The following VPS13B variants were observed in gnomAD, a reference collection of about 807,000 sequenced individuals.
The protein encoded by VPS13B is vacuolar protein sorting 13 homolog B.
VPS13B carries 285 observed loss-of-function variants against 426.4 expected under a neutral mutation model. The ratio of observed to expected loss-of-function variants is 0.67; its 90% CI spans 0.61 to 0.74. The LOEUF (loss-of-function observed/expected upper bound fraction) is 0.74, where lower values mean the gene tolerates loss of function less well. Ranked by LOEUF, VPS13B falls within the 30% of genes least tolerant of loss-of-function variation. The pLI is 0.00. For synonymous variants in VPS13B, 1,676 were observed against 1,676.4 expected (o/e 1.00, Z 0.01); for missense variants, 4,537 against 4,782.6 (o/e 0.95, Z 1.51).
At chr8:99,477,245 G>A (rs574380379) in intron 24 of VPS13B, among the ~76,000 whole-genome samples, 16 of 152,146 alleles carry the variant, frequency 1.1e-4, no homozygotes, top group African/African-American at 3.4e-4. Context: ...TAAAATGCAC[G>A]CAGACATACA....
chr8:99,334,522 C>T (rs914526423), intron 19 of VPS13B, among the ~76,000 whole-genome samples: 22 of 151,990 alleles, frequency 1.4e-4, no homozygotes, highest in Admixed American at 5.2e-4. Context: ...TTTTGAGATA[C>T]GTCCCATCAA....
chr8:99,621,937 G>A (rs975321786), intron 33 of VPS13B, among the ~76,000 whole-genome samples: 2 of 148,258 alleles, frequency 1.3e-5, no homozygotes, highest in East Asian at 2.1e-4. Context: ...AGGTTCAAGC[G>A]ATTCTCCTGT....
chr8:99,762,991 A>C (rs1252892153), intron 39 of VPS13B, among the ~76,000 whole-genome samples: 3 of 151,736 alleles, frequency 2.0e-5, no homozygotes, highest in African/African-American at 4.8e-5. Flanking sequence ...TACAAAAATT[A>C]GTCAGGCATG....
chr8:99,445,281 T>A (rs916879721), intron 23 of VPS13B, among the ~76,000 whole-genome samples: 1 of 148,998 alleles, frequency 6.7e-6, no homozygotes, highest in Admixed American at 6.7e-5. Flanking sequence ...GTATAAACAT[T>A]TGGCAAGACT....
At chr8:99,524,092 A>G (rs1462985380) in intron 30 of VPS13B, among the ~76,000 whole-genome samples, 1 of 152,180 alleles carries the variant, frequency 6.6e-6, no homozygotes, top group African/African-American at 2.4e-5. Flanking sequence ...GAAAAATACA[A>G]TTAACATACT....
chr8:99,771,810 G>A (rs913637575), intron 40 of VPS13B, among the ~76,000 whole-genome samples: 2 of 152,112 alleles, frequency 1.3e-5, no homozygotes, highest in African/African-American at 2.4e-5. Context: ...AGTGTTATAA[G>A]CCATTTATAC....
chr8:99,589,939 AGAATTCGGCTGT>A (rs1351247010), intron 33 of VPS13B, among the ~76,000 whole-genome samples: 1 of 152,202 alleles, frequency 6.6e-6, no homozygotes, highest in Non-Finnish European at 1.5e-5. Context: ...TACCTCTGAT[AGAATTCGGCTGT>A]GAATCCGTCT....
At chr8:99,676,549 GTC>G (rs1036016438) in intron 35 of VPS13B, among the ~76,000 whole-genome samples, 24 of 151,604 alleles carry the variant, frequency 1.6e-4, no homozygotes, top group Admixed American at 5.3e-4. Context: ...AGCAGACGGT[GTC>G]TCTCTGAATT....
intron 56 of VPS13B, among the ~76,000 whole-genome samples, chr8:99,857,363 G>A (rs777306437): frequency 2.0e-5 from 3 of 152,168 alleles, no homozygotes; most frequent in Non-Finnish European, 4.4e-5. Flanking sequence ...CATGGACTCC[G>A]TGGAGAGATG....
At chr8:99,334,415 C>T (rs1288557987) in intron 19 of VPS13B, among the ~76,000 whole-genome samples, 2 of 152,088 alleles carry the variant, frequency 1.3e-5, no homozygotes, top group Non-Finnish European at 2.9e-5. Flanking sequence ...TGAGAGAGGG[C>T]ATCCCTGTCT....
intron 14 of VPS13B, among the ~76,000 whole-genome samples, chr8:99,151,303 A>G (rs1040826738): frequency 6.6e-6 from 1 of 152,122 alleles, no homozygotes; most frequent in Non-Finnish European, 1.5e-5. Flanking sequence ...TCTTTTGCAA[A>G]TATTTTCCCC....
intron 2 of VPS13B, among the ~76,000 whole-genome samples, chr8:99,016,680 C>T (rs1344794384): frequency 6.7e-6 from 1 of 149,878 alleles, no homozygotes; most frequent in East Asian, 2.0e-4. Context: ...CAAGCTTCAC[C>T]TCCCAGGTTC....
intron 56 of VPS13B, 55 bp downstream of exon 56, chr8:99,854,311 C>A: frequency 1.3e-6 from 2 of 1,571,168 alleles, no homozygotes; most frequent in African/African-American, 1.4e-5. Context: ...AGAAATGACA[C>A]GCTTGGGGGT....
At chr8:99,677,513 C>T (rs1019382239) in intron 35 of VPS13B, among the ~76,000 whole-genome samples, 1 of 152,164 alleles carries the variant, frequency 6.6e-6, no homozygotes, top group African/African-American at 2.4e-5. Context: ...TAGGGAAAAG[C>T]CTTCCATTAT....
At chr8:99,255,628 G>A (rs544737881) in intron 17 of VPS13B, among the ~76,000 whole-genome samples, 1 of 152,134 alleles carries the variant, frequency 6.6e-6, no homozygotes, top group African/African-American at 2.4e-5. Context: ...GGCCAGGGGG[G>A]ATTCTTGTTA....
chr8:99,811,406 T>C (rs1813692651), intron 44 of VPS13B, among the ~76,000 whole-genome samples: 1 of 152,202 alleles, frequency 6.6e-6, no homozygotes, highest in Non-Finnish European at 1.5e-5. Flanking sequence ...TCTCTAGGCC[T>C]TCTCAAATTT....
intron 30 of VPS13B, among the ~76,000 whole-genome samples, chr8:99,537,757 C>T (rs572236959): frequency 5.3e-5 from 8 of 152,220 alleles, no homozygotes; most frequent in Middle Eastern, 3.4e-3. Flanking sequence ...TACTGTAATT[C>T]TTTTCATGTG....
chr8:99,238,385 ACTT>A (rs1816749468), intron 17 of VPS13B, among the ~76,000 whole-genome samples: 1 of 152,136 alleles, frequency 6.6e-6, no homozygotes, highest in Admixed American at 6.5e-5. Context: ...TTTAAATATT[ACTT>A]CTTAGTCCAC....
At chr8:99,275,398 C>A in intron 19 of VPS13B, 144 bp downstream of exon 19, 1 of 722,522 alleles carries the variant, frequency 1.4e-6, no homozygotes, top group Non-Finnish European at 2.1e-6. Context: ...TTTCAAAATT[C>A]AAATGAAGAA....
Sources: allele counts gnomAD v4.1 joint callset (sites outside exome capture counted in the v4.1 genomes callset), GRCh38; gene constraint gnomAD v4.1.1; transcripts MANE v1.5; gene names NCBI Gene and HGNC (gene_info 2026-07-23, HGNC 2026-07-21).